TENM4: variants seen among roughly 807,000 people sequenced by gnomAD.
TENM4 encodes teneurin-4.
Under a neutral mutation model 243.3 loss-of-function variants are expected in TENM4, and 82 were observed. That is an observed-to-expected ratio of 0.34 (90% confidence interval 0.28 to 0.40). The LOEUF (loss-of-function observed/expected upper bound fraction) is 0.40. Ranked by LOEUF, TENM4 falls within the 10% of genes least tolerant of loss-of-function variation. The pLI is 1.00. For missense variants in TENM4, 3,138 were observed against 3,673.3 expected (o/e 0.85, Z 3.77); for synonymous variants, 1,412 against 1,456.3 (o/e 0.97, Z 0.69).
At chr11:79,143,184 C>T (rs1294573636) in intron 4 of TENM4, among the ~76,000 whole-genome samples, 2 of 151,972 alleles carry the variant, frequency 1.3e-5, no homozygotes, top group Non-Finnish European at 2.9e-5. Context: ...GGCTATATAC[C>T]CAAAGGATTA....
At chr11:79,229,642 C>T (rs1864338052) in intron 2 of TENM4, among the ~76,000 whole-genome samples, 2 of 152,192 alleles carry the variant, frequency 1.3e-5, no homozygotes, top group Admixed American at 1.3e-4. Flanking sequence ...CCCTAGCACC[C>T]TTCAGCATTG....
At chr11:78,983,814 G>A (rs929556944) in intron 6 of TENM4, among the ~76,000 whole-genome samples, 9 of 152,230 alleles carry the variant, frequency 5.9e-5, no homozygotes, top group Non-Finnish European at 1.2e-4. Context: ...GCTCAGTGGG[G>A]TGGCAGCTCA....
At chr11:78,738,838 T>C (rs763567378) in intron 19 of TENM4, among the ~76,000 whole-genome samples, 3 of 152,252 alleles carry the variant, frequency 2.0e-5, no homozygotes, top group Non-Finnish European at 2.9e-5. Context: ...TACTGTATTA[T>C]GCTGTAAGGA....
intron 12 of TENM4, among the ~76,000 whole-genome samples, chr11:78,849,892 C>T (rs556180611): frequency 1.3e-5 from 2 of 152,316 alleles, no homozygotes; most frequent in African/African-American, 4.8e-5. Flanking sequence ...TAGTGATATA[C>T]ATTCTCCTCC....
intron 23 of TENM4, among the ~76,000 whole-genome samples, chr11:78,725,694 C>T (rs1450697057): frequency 6.6e-6 from 1 of 152,204 alleles, no homozygotes; most frequent in Non-Finnish European, 1.5e-5. Context: ...CCTATAGACC[C>T]TCTGAGACTC....
intron 15 of TENM4, among the ~76,000 whole-genome samples, chr11:78,790,583 G>A (rs1591026158): frequency 6.6e-6 from 1 of 152,226 alleles, no homozygotes; most frequent in East Asian, 1.9e-4. Context: ...TGTGGGTACT[G>A]AGGCCCAGAT....
At chr11:79,118,774 A>G (rs1367797819) in intron 4 of TENM4, among the ~76,000 whole-genome samples, 1 of 152,148 alleles carries the variant, frequency 6.6e-6, no homozygotes, top group Non-Finnish European at 1.5e-5. Flanking sequence ...TTGCATATAT[A>G]TATGCTACAT....
intron 9 of TENM4, among the ~76,000 whole-genome samples, chr11:78,877,904 C>T (rs933670307): frequency 4.6e-5 from 7 of 152,176 alleles, no homozygotes; most frequent in African/African-American, 1.4e-4. Flanking sequence ...AGCCTCTTAT[C>T]TACATTCATG....
chr11:78,907,803 A>G (rs1856096159), intron 6 of TENM4, among the ~76,000 whole-genome samples: 1 of 152,214 alleles, frequency 6.6e-6, no homozygotes, highest in South Asian at 2.1e-4. Context: ...ACCTGGGAGT[A>G]CACATTGGTA....
chr11:78,842,174 T>C (rs1337599658), intron 12 of TENM4, among the ~76,000 whole-genome samples: 3 of 152,240 alleles, frequency 2.0e-5, no homozygotes, highest in African/African-American at 4.8e-5. Context: ...GGAAGTTCCA[T>C]TAGCAGCTCA....
intron 6 of TENM4, among the ~76,000 whole-genome samples, chr11:79,016,180 G>T (rs1201545226): frequency 6.6e-6 from 1 of 152,172 alleles, no homozygotes; most frequent in Non-Finnish European, 1.5e-5. Context: ...TGCTCTCAAA[G>T]ATCTATTGTA....
Position 78,716,141 on chromosome 11 carries a change from G to C in TENM4, c.3822-3427C>G, listed in dbSNP as rs187959268. ...GGGACCACAGATTCCTAAGTGGCAGGATGAAATTCCAACCGAGTTCTGCTT... is the reference window on the plus strand; with the variant it reads ...GGGACCACAGATTCCTAAGTGGCAGCATGAAATTCCAACCGAGTTCTGCTT... On this transcript the variant is annotated intron_variant, in intron 25 of 33. Coordinates refer to ENST00000278550, the MANE Select transcript of TENM4 (RefSeq NM_001098816.3). Among the ~76,000 whole-genome samples, 5 of 152,248 alleles carry C rather than the reference G, an allele frequency of 3.3e-5. No individual in the cohort carries two copies. The East Asian group carries it at 7.7e-4, about 24-fold the overall frequency.
intron 6 of TENM4, among the ~76,000 whole-genome samples, chr11:78,905,901 C>T (rs947431379): frequency 6.6e-6 from 1 of 152,212 alleles, no homozygotes; most frequent in African/African-American, 2.4e-5. Flanking sequence ...GGTGGCACTT[C>T]GGTGGAGACA....
At chr11:78,851,729 G>T (rs1858544234) in intron 12 of TENM4, among the ~76,000 whole-genome samples, 1 of 152,160 alleles carries the variant, frequency 6.6e-6, no homozygotes, top group African/African-American at 2.4e-5. Context: ...ATCAGGGCCT[G>T]TAGCCTCCCA....
chr11:78,776,716 A>G (rs117648452), intron 17 of TENM4, among the ~76,000 whole-genome samples: 1 of 152,222 alleles, frequency 6.6e-6, no homozygotes, highest in Non-Finnish European at 1.5e-5. Context: ...TTTTAAAACA[A>G]GTTATGATTC....
At chr11:79,012,668 G>A (rs1365590471) in intron 6 of TENM4, among the ~76,000 whole-genome samples, 1 of 152,192 alleles carries the variant, frequency 6.6e-6, no homozygotes, top group Non-Finnish European at 1.5e-5. Context: ...CGAGATATAG[G>A]AGGAGGTACA....
At chr11:78,899,836 C>T (rs115963251) in intron 7 of TENM4, among the ~76,000 whole-genome samples, 1,759 of 152,294 alleles carry the variant, frequency 0.012, 49 homozygotes, top group African/African-American at 0.04. Context: ...GCCTGAGGCT[C>T]TCACCAGAAG....
intron 3 of TENM4, among the ~76,000 whole-genome samples, chr11:79,170,638 A>C (rs1020448070): frequency 6.6e-6 from 1 of 152,168 alleles, no homozygotes; most frequent in African/African-American, 2.4e-5. Context: ...CTATATACGA[A>C]GGAATGCCCA....
chr11:79,277,115 G>A (rs1033661043), intron 2 of TENM4, among the ~76,000 whole-genome samples: 2 of 152,182 alleles, frequency 1.3e-5, no homozygotes, highest in African/African-American at 4.8e-5. Context: ...AAAGACTGCA[G>A]AACACACTGA....
Sources: gnomAD v4.1 joint callset for allele counts (sites outside exome capture counted in the v4.1 genomes callset) on GRCh38, gnomAD v4.1.1 for gene constraint, MANE v1.5 for transcripts, NCBI Gene and HGNC (gene_info 2026-07-23, HGNC 2026-07-21) for gene names.